Variants in TANC2 observed in about 807,000 individuals in gnomAD.
TANC2 encodes the protein tetratricopeptide repeat, ankyrin repeat and coiled-coil containing 2, also known as protein TANC2.
TANC2 carries 26 observed loss-of-function variants against 210.5 expected under a neutral mutation model. The ratio of observed to expected loss-of-function variants is 0.12; its 90% CI spans 0.09 to 0.17. The LOEUF (loss-of-function observed/expected upper bound fraction) is 0.17, where lower values mean the gene tolerates loss of function less well. TANC2 is among the 10% of genes least tolerant of loss of function. The pLI, the probability that TANC2 is intolerant of heterozygous loss-of-function variation, is 1.00. For synonymous variants in TANC2, 931 were observed against 967.1 expected, an observed-to-expected ratio of 0.96 and a Z score of 0.69; for missense variants, 2,129 against 2,608.9, an observed-to-expected ratio of 0.82 and a Z score of 4.01.
At chr17:63,354,821 G>T (rs751532229) in exon 14 of TANC2, 5 of 1,580,330 alleles carry the variant, frequency 3.2e-6, no homozygotes, top group Non-Finnish European at 4.3e-6. Flanking sequence ...GGATTTTTTT[G>T]GATCGACTAG....
intron 5 of TANC2, among the ~76,000 whole-genome samples, chr17:63,174,891 A>G (rs4968755): frequency 0.58 from 88,836 of 152,056 alleles, 27,959 homozygotes; most frequent in African/African-American, 0.82. Context: ...ACAGCATCCA[A>G]TATCATAAAA....
rs76842635 is a variant in TANC2, at chr17:63,384,969, G to A, written c.2692-3666G>A. On this transcript the variant is annotated intron_variant, in intron 15 of 27. Transcript: ENST00000689528. Reference sequence around the variant, plus strand: ...CAATTACTTTTCCTTTTTTTAGTTGGTATAATGGAAGGAACATGAACTTTA... The same window carrying A: ...CAATTACTTTTCCTTTTTTTAGTTGATATAATGGAAGGAACATGAACTTTA... 2.2e-3 allele frequency among the ~76,000 whole-genome samples: 331 copies of A among 152,168 alleles called. 4 individuals carry two copies. The East Asian group carries it at 0.052, about 24-fold the overall frequency.
Position 63,150,435 on chromosome 17 carries a change from A to C in TANC2, c.323-835A>C, listed in dbSNP as rs1452801212. The C allele has an allele frequency of 2.0e-5, 3 of 152,208 alleles. No homozygotes were observed. In the East Asian group the frequency reaches 5.8e-4, roughly 29 times the overall value. 9.4% of individuals were successfully genotyped at this position (152,208 alleles called of 1,614,324 possible). ...GCATTCCTGAATTTTTCCTCCTAAA[A>C]ATTAGTAAATAAAATGTGTACATAC... On this transcript the variant is annotated intron_variant, in intron 4 of 27. Transcript: ENST00000689528.
At chr17:63,044,437 A>G (rs2035303232) in intron 2 of TANC2, among the ~76,000 whole-genome samples, 1 of 152,048 alleles carries the variant, frequency 6.6e-6, no homozygotes, top group African/African-American at 2.4e-5. Context: ...TGTATTGTAC[A>G]GTATGTTTCT....
At chr17:63,129,710 G>A (rs1439920963) in intron 4 of TANC2, among the ~76,000 whole-genome samples, 1 of 152,074 alleles carries the variant, frequency 6.6e-6, no homozygotes, top group Non-Finnish European at 1.5e-5. Context: ...TTGTAATGAT[G>A]AGTCCAATTA....
chr17:63,005,959 C>G (rs1318698247), intron 1 of TANC2, among the ~76,000 whole-genome samples: 1 of 144,680 alleles, frequency 6.9e-6, no homozygotes, highest in Non-Finnish European at 1.5e-5. Context: ...GAGTTTTGAT[C>G]AATTTCTTTA....
chr17:63,119,013 A>ACC (rs1471411018), intron 4 of TANC2, among the ~76,000 whole-genome samples: 1 of 151,548 alleles, frequency 6.6e-6, no homozygotes, highest in Non-Finnish European at 1.5e-5. Flanking sequence ...CGATCTCCTG[A>ACC]CCCCGTGATC....
intron 7 of TANC2, among the ~76,000 whole-genome samples, chr17:63,211,300 G>A (rs2041877723): frequency 6.6e-6 from 1 of 151,998 alleles, no homozygotes; most frequent in Non-Finnish European, 1.5e-5. Context: ...TTTGTAGATC[G>A]ATAGGCTTCC....
chr17:63,392,400 G>A (rs763917728), intron 17 of TANC2, among the ~76,000 whole-genome samples: 6 of 152,068 alleles, frequency 3.9e-5, no homozygotes, highest in Admixed American at 6.6e-5. Flanking sequence ...TGTAGCCTCC[G>A]TTTTTCTCAG....
At chr17:63,085,018 A>G (rs1049832211) in intron 3 of TANC2, among the ~76,000 whole-genome samples, 2 of 152,082 alleles carry the variant, frequency 1.3e-5, no homozygotes, top group East Asian at 1.9e-4. Flanking sequence ...GTTGAGTTCA[A>G]CTGTGTCCTT....
intron 1 of TANC2, among the ~76,000 whole-genome samples, chr17:63,006,389 A>G (rs2033627902): frequency 2.0e-5 from 3 of 152,092 alleles, no homozygotes; most frequent in South Asian, 4.1e-4. Context: ...TCTAATACAT[A>G]CATTTAAGGT....
chr17:63,206,730 A>G (rs1246817448), intron 7 of TANC2, among the ~76,000 whole-genome samples: 1 of 152,120 alleles, frequency 6.6e-6, no homozygotes, highest in Non-Finnish European at 1.5e-5. Context: ...GGATGTGGAA[A>G]TAGGAAGTTA....
At chr17:63,020,694 C>A (rs1194488504) in intron 2 of TANC2, among the ~76,000 whole-genome samples, 2 of 152,180 alleles carry the variant, frequency 1.3e-5, no homozygotes, top group Admixed American at 6.5e-5. Flanking sequence ...TTGTTAGAAT[C>A]ATGTGTGACT....
At chr17:63,156,840 C>T (rs975206386) in intron 5 of TANC2, among the ~76,000 whole-genome samples, 1 of 152,062 alleles carries the variant, frequency 6.6e-6, no homozygotes, top group Non-Finnish European at 1.5e-5. Flanking sequence ...ACTACAGACT[C>T]ATGCCACCAC....
chr17:63,354,329 G>A (rs2046717008), intron 13 of TANC2, among the ~76,000 whole-genome samples: 1 of 152,110 alleles, frequency 6.6e-6, no homozygotes, highest in Non-Finnish European at 1.5e-5. Flanking sequence ...TGTGTTGTGT[G>A]GGAAATTTTT....
intron 4 of TANC2, among the ~76,000 whole-genome samples, chr17:63,109,684 A>T (rs1024359623): frequency 6.6e-6 from 1 of 151,690 alleles, no homozygotes; most frequent in African/African-American, 2.4e-5. Flanking sequence ...ATATGAGCAA[A>T]TTTAATCTTC....
chr17:63,336,311 A>G (rs1175641201), intron 11 of TANC2, among the ~76,000 whole-genome samples: 1 of 152,208 alleles, frequency 6.6e-6, no homozygotes, highest in Non-Finnish European at 1.5e-5. Flanking sequence ...TGGAAATTAG[A>G]ATTTTATTTC....
intron 2 of TANC2, among the ~76,000 whole-genome samples, chr17:63,029,544 G>T (rs978712379): frequency 1.3e-5 from 2 of 152,084 alleles, no homozygotes; most frequent in African/African-American, 2.4e-5. Context: ...CTTTAGAACA[G>T]TGCTGTTCAG....
At chr17:63,301,965 C>T (rs1207190793) in intron 9 of TANC2, among the ~76,000 whole-genome samples, 1 of 152,166 alleles carries the variant, frequency 6.6e-6, no homozygotes, top group African/African-American at 2.4e-5. Context: ...CCTAGAGATT[C>T]TGGTAAGTTG....
Sources: gnomAD v4.1 joint callset for allele counts (sites outside exome capture counted in the v4.1 genomes callset) on GRCh38, gnomAD v4.1.1 for gene constraint, MANE v1.5 for transcripts, NCBI Gene and HGNC (gene_info 2026-07-23, HGNC 2026-07-21) for gene names.